LHFPL3: variants seen among roughly 807,000 people sequenced by gnomAD.
LHFPL3 encodes LHFPL tetraspan subfamily member 3.
A neutral mutation model predicts 19.3 loss-of-function variants in LHFPL3; 5 were observed. That is an observed-to-expected ratio of 0.26 (90% CI 0.14 to 0.54). The LOEUF (loss-of-function observed/expected upper bound fraction) is 0.54, where lower values mean the gene tolerates loss of function less well. LHFPL3 is among the 20% of genes least tolerant of loss of function. The pLI is 0.94. For synonymous variants in LHFPL3, 133 were observed against 126.2 expected (o/e 1.05, Z -0.36); for missense variants, 249 against 307.4 (o/e 0.81, Z 1.42).
chr7:104,804,659 G>C (rs983952800), intron 2 of LHFPL3, among the ~76,000 whole-genome samples: 7 of 152,116 alleles, frequency 4.6e-5, no homozygotes, highest in Admixed American at 1.3e-4. Flanking sequence ...TGTTGGGAGA[G>C]GCCCACATGG....
intron 2 of LHFPL3, among the ~76,000 whole-genome samples, chr7:104,804,367 CA>C (rs1238878926): frequency 6.6e-6 from 1 of 152,130 alleles, no homozygotes; most frequent in Non-Finnish European, 1.5e-5. Context: ...GGATAGCAAC[CA>C]GAAAAAACAA....
At chr7:104,543,673 C>A (rs1294231549) in intron 1 of LHFPL3, among the ~76,000 whole-genome samples, 1 of 147,422 alleles carries the variant, frequency 6.8e-6, no homozygotes, top group Non-Finnish European at 1.5e-5. Flanking sequence ...GACAAAAAAA[C>A]CAAACACCAC....
chr7:104,493,708 CT>C lies in LHFPL3; in HGVS notation c.445+164495del, dbSNP rs1030225775. 3.7e-3 allele frequency among the ~76,000 whole-genome samples: 544 copies of C among 145,766 alleles called. 3 individuals carry two copies. The highest frequency in any genetic ancestry group is 0.011 in the African/African-American group (430 of 40,010). On this transcript the variant is annotated intron_variant, in intron 1 of 2. Coordinates refer to ENST00000424859, the MANE Select transcript of LHFPL3 (RefSeq NM_199000.3). ...GTTTTACTTGTGCAATAATTCTTGT[CT>C]TTTTTTTTTTGCTTTGTTCTCACAA...
At chr7:104,573,298 G>A (rs1790262493) in intron 1 of LHFPL3, among the ~76,000 whole-genome samples, 3 of 151,650 alleles carry the variant, frequency 2.0e-5, no homozygotes, top group Non-Finnish European at 4.4e-5. Context: ...TGTAATCCTA[G>A]CTACTGGGGA....
At chr7:104,470,392 G>A (rs1056264312) in intron 1 of LHFPL3, among the ~76,000 whole-genome samples, 3 of 151,942 alleles carry the variant, frequency 2.0e-5, no homozygotes, top group Non-Finnish European at 2.9e-5. Context: ...TTCCCACATC[G>A]ACCCATTCAT....
At chr7:104,846,310 C>T (rs1791311903) in intron 2 of LHFPL3, among the ~76,000 whole-genome samples, 1 of 152,238 alleles carries the variant, frequency 6.6e-6, no homozygotes, top group African/African-American at 2.4e-5. Flanking sequence ...AGGGTTGGAA[C>T]TGCCTCTTGT....
intron 2 of LHFPL3, among the ~76,000 whole-genome samples, chr7:104,861,684 C>T (rs1791621922): frequency 6.6e-6 from 1 of 152,144 alleles, no homozygotes; most frequent in Non-Finnish European, 1.5e-5. Flanking sequence ...TGATTCTTCT[C>T]CTAGAAAGTG....
intron 1 of LHFPL3, among the ~76,000 whole-genome samples, chr7:104,438,704 T>C (rs995162619): frequency 2.0e-5 from 3 of 151,902 alleles, no homozygotes; most frequent in Admixed American, 2.0e-4. Flanking sequence ...AAAAAAAAGA[T>C]AAGCAAACAA....
intron 1 of LHFPL3, among the ~76,000 whole-genome samples, chr7:104,558,472 G>C (rs1361306924): frequency 2.6e-5 from 4 of 152,160 alleles, no homozygotes; most frequent in Non-Finnish European, 1.5e-5. Flanking sequence ...CTGCACAAAT[G>C]TCTTCTTTTG....
At chr7:104,755,648 G>A (rs1794269861) in intron 2 of LHFPL3, among the ~76,000 whole-genome samples, 1 of 151,770 alleles carries the variant, frequency 6.6e-6, no homozygotes, top group Non-Finnish European at 1.5e-5. Flanking sequence ...CCAGTGACTA[G>A]TGTAGTATTA....
At chr7:104,619,287 T>A (rs998761092) in intron 1 of LHFPL3, among the ~76,000 whole-genome samples, 1 of 152,248 alleles carries the variant, frequency 6.6e-6, no homozygotes, top group Non-Finnish European at 1.5e-5. Context: ...AAATATCCTA[T>A]CATTATTGCA....
intron 2 of LHFPL3, among the ~76,000 whole-genome samples, chr7:104,868,317 T>C (rs1791768771): frequency 6.6e-6 from 1 of 152,218 alleles, no homozygotes; most frequent in African/African-American, 2.4e-5. Flanking sequence ...CATGATTGTA[T>C]GTCTAGAAAA....
At chr7:104,872,802 C>G (rs766841408) in intron 2 of LHFPL3, among the ~76,000 whole-genome samples, 2 of 152,176 alleles carry the variant, frequency 1.3e-5, no homozygotes, top group African/African-American at 2.4e-5. Context: ...TGAGGACCTG[C>G]CTGAAGCTGT....
intron 1 of LHFPL3, among the ~76,000 whole-genome samples, chr7:104,622,686 G>T (rs577132747): frequency 1.1e-4 from 16 of 152,102 alleles, no homozygotes; most frequent in Non-Finnish European, 2.1e-4. Flanking sequence ...CTTGAATCAT[G>T]CAATAACTGG....
intron 2 of LHFPL3, among the ~76,000 whole-genome samples, chr7:104,801,124 T>C (rs954848985): frequency 1.3e-5 from 2 of 152,222 alleles, no homozygotes; most frequent in African/African-American, 4.8e-5. Flanking sequence ...ACAGCCATAG[T>C]CTAGAAGAGA....
At chr7:104,737,951 A>G (rs776723783) in intron 2 of LHFPL3, among the ~76,000 whole-genome samples, 1 of 152,194 alleles carries the variant, frequency 6.6e-6, no homozygotes, top group African/African-American at 2.4e-5. Context: ...GTAATGATAT[A>G]GCAGGCTTTA....
chr7:104,454,232 T>C (rs1463350429), intron 1 of LHFPL3, among the ~76,000 whole-genome samples: 1 of 152,218 alleles, frequency 6.6e-6, no homozygotes, highest in African/African-American at 2.4e-5. Flanking sequence ...ATTGGTGTTA[T>C]GTGTGTACAA....
intron 1 of LHFPL3, among the ~76,000 whole-genome samples, chr7:104,627,846 A>G (rs1791574819): frequency 6.6e-6 from 1 of 152,230 alleles, no homozygotes; most frequent in Admixed American, 6.5e-5. Flanking sequence ...GACCTTCCCC[A>G]ATGCAAAATC....
intron 1 of LHFPL3, among the ~76,000 whole-genome samples, chr7:104,603,141 T>TC (rs1791017215): frequency 2.4e-4 from 8 of 33,506 alleles, no homozygotes; most frequent in Admixed American, 5.1e-4. Context: ...TTTTTTCCCT[T>TC]CCTTCCTTCC....
Sources: allele counts gnomAD v4.1 joint callset (sites outside exome capture counted in the v4.1 genomes callset), GRCh38; gene constraint gnomAD v4.1.1; transcripts MANE v1.5; gene names NCBI Gene and HGNC (gene_info 2026-07-23, HGNC 2026-07-21).